SMAD6: variants seen among roughly 807,000 people sequenced by gnomAD.
SMAD6 encodes SMAD family member 6.
SMAD6 carries 103 observed loss-of-function variants against 39.4 expected under a neutral mutation model. That is an observed-to-expected ratio of 2.62 (90% CI 2.23 to 3.08). The LOEUF is 3.08. SMAD6 is among the 30% of genes most tolerant of loss of function. The pLI, the probability that SMAD6 is intolerant of heterozygous loss-of-function variation, is 0.00. For synonymous variants in SMAD6, 445 were observed against 353.3 expected, an observed-to-expected ratio of 1.26 and a Z score of -2.91; for missense variants, 1,104 against 742.9, an observed-to-expected ratio of 1.49 and a Z score of -5.65.
At chr15:66,770,086 C>T (rs954137016) in intron 3 of SMAD6, among the ~76,000 whole-genome samples, 4 of 152,232 alleles carry the variant, frequency 2.6e-5, no homozygotes, top group Non-Finnish European at 4.4e-5. Flanking sequence ...CCTTGGCCTC[C>T]CAAAGTGCCG....
chr15:66,761,979 C>T (rs1360736256), intron 3 of SMAD6, among the ~76,000 whole-genome samples: 2 of 152,178 alleles, frequency 1.3e-5, no homozygotes, highest in African/African-American at 2.4e-5. Context: ...AAGGAAGTGA[C>T]GCTCAGAACT....
At chr15:66,780,955 C>G (rs1360179354) in intron 3 of SMAD6, 42 bp from the exon 4 acceptor site, 2 of 1,506,250 alleles carry the variant, frequency 1.3e-6, no homozygotes, top group Admixed American at 3.9e-5. Context: ...CTCCCACCTC[C>G]CCACCCAGAA....
chr15:66,762,345 G>A (rs1314298924), intron 3 of SMAD6, among the ~76,000 whole-genome samples: 1 of 152,176 alleles, frequency 6.6e-6, no homozygotes, highest in African/African-American at 2.4e-5. Context: ...GGTGAGAGGG[G>A]CCCTGTCTCA....
At chr15:66,714,309 G>A (rs543338784) in intron 2 of SMAD6, among the ~76,000 whole-genome samples, 9 of 152,230 alleles carry the variant, frequency 5.9e-5, no homozygotes, top group South Asian at 4.1e-4. Context: ...GACACTTGCC[G>A]GTGGTCAAAT....
rs1030290268 is a variant in SMAD6 at position 66,718,146 on chromosome 15, G to GTGTGTGTGTGTC, written c.952+1653_952+1654insGTGTGTCTGTGT. Among the ~76,000 whole-genome samples the GTGTGTGTGTGTC allele has an allele frequency of 2.2e-3, 340 of 151,264 alleles. 4 individuals are homozygous for GTGTGTGTGTGTC. The highest frequency in any genetic ancestry group is 8.0e-3 in the African/African-American group (327 of 40,942). On this transcript the variant is annotated intron_variant, in intron 3 of 3. Coordinates refer to ENST00000288840, the MANE Select transcript of SMAD6 (RefSeq NM_005585.5). ...TGTGTGTGTGTGTGTGTGTGTGTGTGTGTGTCTGTGCATGTGCATACCTTA... is the reference window on the plus strand; with the variant it reads ...TGTGTGTGTGTGTGTGTGTGTGTGTGTGTGTGTGTGTCTGTGTCTGTGCATGTGCATACCTTA...
At chr15:66,720,842 A>G (rs1346793134) in intron 3 of SMAD6, among the ~76,000 whole-genome samples, 1 of 152,176 alleles carries the variant, frequency 6.6e-6, no homozygotes, top group Non-Finnish European at 1.5e-5. Flanking sequence ...GCTGCCCATC[A>G]CTGGGATCGC....
intron 3 of SMAD6, among the ~76,000 whole-genome samples, chr15:66,776,249 C>A (rs1311552426): frequency 1.3e-5 from 2 of 152,178 alleles, no homozygotes; most frequent in African/African-American, 2.4e-5. Flanking sequence ...ATGGCAGTGA[C>A]CCTGGGCCAT....
In SMAD6 at chr15:66,781,615, G is replaced by C; in HGVS notation, c.*80G>C. The stretch of plus-strand genomic sequence containing the variant: ...GCCTCGAGAGGGGCCGATGCCCAGA[G>C]ACACAGCCCCCACGGACAAAACCCC... On this transcript the variant is annotated 3_prime_UTR_variant, in exon 4 of 4. Coordinates refer to ENST00000288840, the MANE Select transcript of SMAD6 (RefSeq NM_005585.5). 1.9e-6 allele frequency: 2 copies of C among 1,075,384 alleles called. No homozygotes were observed. Among genetic ancestry groups the C allele is most frequent in the Non-Finnish European group, 2.6e-6 (2 of 780,344 alleles). The allele number at this position is 1,075,384 out of a possible 1,614,324, so 66.6% of individuals were successfully genotyped here.
intron 3 of SMAD6, among the ~76,000 whole-genome samples, chr15:66,771,759 G>A (rs1017293930): frequency 3.3e-5 from 5 of 152,192 alleles, no homozygotes; most frequent in Non-Finnish European, 5.9e-5. Flanking sequence ...AATGAAGCGT[G>A]TAGAGCGCCT....
chr15:66,722,336 T>A (rs1893449089), intron 3 of SMAD6, among the ~76,000 whole-genome samples: 1 of 152,186 alleles, frequency 6.6e-6, no homozygotes, highest in African/African-American at 2.4e-5. Flanking sequence ...GGGATATGTT[T>A]TAGCTGAAAA....
At chr15:66,719,022 C>T (rs576881622) in intron 3 of SMAD6, among the ~76,000 whole-genome samples, 21 of 152,326 alleles carry the variant, frequency 1.4e-4, no homozygotes, top group African/African-American at 4.3e-4. Context: ...CATTTATCGA[C>T]ACTCACTACA....
chr15:66,723,422 T>G (rs1296165340), intron 3 of SMAD6, among the ~76,000 whole-genome samples: 2 of 152,182 alleles, frequency 1.3e-5, no homozygotes, highest in African/African-American at 4.8e-5. Context: ...GTGTGGTGGC[T>G]TGTGCCTGTA....
At chr15:66,724,349 C>T (rs1387335534) in intron 3 of SMAD6, among the ~76,000 whole-genome samples, 1 of 152,020 alleles carries the variant, frequency 6.6e-6, no homozygotes, top group Non-Finnish European at 1.5e-5. Context: ...GTAAAGAGAT[C>T]CAGAGAGAGC....
At chr15:66,766,288 G>C (rs1044400873) in intron 3 of SMAD6, among the ~76,000 whole-genome samples, 1 of 152,196 alleles carries the variant, frequency 6.6e-6, no homozygotes, top group African/African-American at 2.4e-5. Flanking sequence ...GGACTGTGCT[G>C]ACTGCCTGTT....
chr15:66,750,259 A>AC (rs886317570), intron 3 of SMAD6, among the ~76,000 whole-genome samples: 6 of 152,156 alleles, frequency 3.9e-5, no homozygotes, highest in Admixed American at 6.5e-5. Flanking sequence ...TTGGTACCAA[A>AC]CCCCTCTTTC....
chr15:66,757,552 G>A (rs547408809), intron 3 of SMAD6, among the ~76,000 whole-genome samples: 2 of 152,222 alleles, frequency 1.3e-5, no homozygotes, highest in Admixed American at 6.5e-5. Context: ...CTCAGGCTGG[G>A]TCTCCCAGGC....
At chr15:66,734,735 G>A (rs920868565) in intron 3 of SMAD6, among the ~76,000 whole-genome samples, 2 of 152,120 alleles carry the variant, frequency 1.3e-5, no homozygotes, top group African/African-American at 2.4e-5. Flanking sequence ...TTAGGTAGAC[G>A]GCTTCCATTT....
At chr15:66,762,708 G>C (rs4555098) in intron 3 of SMAD6, among the ~76,000 whole-genome samples, 81,522 of 151,776 alleles carry the variant, frequency 0.54, 22,025 homozygotes, top group East Asian at 0.71. Flanking sequence ...AGATTCCAGA[G>C]ATATAGATAA....
chr15:66,710,139 C>G (rs962293685), intron 1 of SMAD6, among the ~76,000 whole-genome samples: 1 of 152,104 alleles, frequency 6.6e-6, no homozygotes, highest in African/African-American at 2.4e-5. Context: ...GGGGAACATG[C>G]GCAAGTCAGT....
Sources: allele counts gnomAD v4.1 joint callset (sites outside exome capture counted in the v4.1 genomes callset), GRCh38; gene constraint gnomAD v4.1.1; transcripts MANE v1.5; gene names NCBI Gene and HGNC (gene_info 2026-07-23, HGNC 2026-07-21).